Variants in PLEKHG4B observed in about 807,000 individuals in gnomAD.
PLEKHG4B encodes pleckstrin homology and RhoGEF domain containing G4B, also known as pleckstrin homology domain-containing family G member 4B.
Under a neutral mutation model 121.3 loss-of-function variants are expected in PLEKHG4B, and 111 were observed. The ratio of observed to expected loss-of-function variants is 0.92; its 90% CI spans 0.78 to 1.07. The LOEUF (loss-of-function observed/expected upper bound fraction) is 1.07, where lower values mean the gene tolerates loss of function less well. PLEKHG4B is among the 50% of genes least tolerant of loss of function. PLEKHG4B has a pLI of 0.00. For synonymous variants in PLEKHG4B, 738 were observed against 725.0 expected (o/e 1.02, Z -0.29); for missense variants, 1,831 against 1,757.8 (o/e 1.04, Z -0.74).
rs547243153 is a variant in PLEKHG4B, at chr5:143,580, G to T, written c.1811+77G>T. The T allele has an allele frequency of 1.3e-5, 20 of 1,558,718 alleles. No individual in the cohort carries two copies. The African/African-American group carries it at 2.7e-4, about 21-fold the overall frequency. On this transcript the variant is annotated intron_variant, in intron 5 of 19. Coordinates refer to ENST00000637938, the MANE Select transcript of PLEKHG4B (RefSeq NM_052909.5). Reference sequence around the variant, plus strand: ...ATGTGTGTGGCAAAGTGGGGGGCACGGGGAGGTGCCAGCTTCCATGGCCAG... The same window carrying T: ...ATGTGTGTGGCAAAGTGGGGGGCACTGGGAGGTGCCAGCTTCCATGGCCAG...
chr5:183,611 C>T lies in PLEKHG4B; in HGVS notation c.*1288C>T, dbSNP rs1249939792. The T allele has an allele frequency of 1.3e-5, 2 of 152,276 alleles. No individual in the cohort carries two copies. Among genetic ancestry groups the T allele is most frequent in the Admixed American group, 6.5e-5 (1 of 15,274 alleles). The allele number at this position is 152,276 out of a possible 1,614,324, so 9.4% of individuals were successfully genotyped here. On this transcript the variant is annotated 3_prime_UTR_variant, in exon 20 of 20. Transcript: ENST00000637938. ...AATTAGCCGGGCATGGTGTTGGCCG[C>T]CTGTAGTCCCAGCTACTTGGGAGGC... is the stretch of plus-strand genomic sequence containing the variant.
Position 105,512 on chromosome 5 carries a change from A to G in PLEKHG4B, c.46-7739A>G, listed in dbSNP as rs143308828. Among the ~76,000 whole-genome samples the G allele has an allele frequency of 4.3e-4, 66 of 152,340 alleles. No individual in the cohort carries two copies. In the East Asian group the frequency reaches 0.012, roughly 27 times the overall value. ...TCAATGGTATCATCCAGAATTAGTT[A>G]TTTCTCTTTGGAAACATGCATGGCA... On this transcript the variant is annotated intron_variant, in intron 1 of 19. Coordinates refer to ENST00000637938, the MANE Select transcript of PLEKHG4B (RefSeq NM_052909.5).
chr5:107,621 A>T (rs966925163), intron 1 of PLEKHG4B, among the ~76,000 whole-genome samples: 1 of 152,140 alleles, frequency 6.6e-6, no homozygotes, highest in Non-Finnish European at 1.5e-5. Context: ...CTGGTATCCC[A>T]CCTGCCCATC....
chr5:111,159 C>G (rs142303341), intron 1 of PLEKHG4B, among the ~76,000 whole-genome samples: 2,220 of 152,398 alleles, frequency 0.015, 26 homozygotes, highest in Non-Finnish European at 0.024. Context: ...CAGGAGACAG[C>G]ACACACTCCG....
rs1008190614 is a variant in PLEKHG4B at position 185,928 on chromosome 5, A to T, written c.*3605A>T. On this transcript the variant is annotated 3_prime_UTR_variant, in exon 20 of 20. Transcript: ENST00000637938. ...GCCACACCAGCCCCACGGGAGCCCC[A>T]CGACCCATCGGGCTGTGGGATGCAT... 2.6e-5 allele frequency: 4 copies of T among 152,202 alleles called. No individual in the cohort carries two copies. Among genetic ancestry groups the T allele is most frequent in the African/African-American group, 9.7e-5 (4 of 41,436 alleles). The allele number at this position is 152,202 out of a possible 1,614,324, so 9.4% of individuals were successfully genotyped here.
intron 2 of PLEKHG4B, among the ~76,000 whole-genome samples, chr5:133,176 A>G (rs1480661956): frequency 6.6e-6 from 1 of 152,154 alleles, no homozygotes; most frequent in Admixed American, 6.5e-5. Flanking sequence ...TGAGTTCTTA[A>G]TTCAATTCTC....
Position 182,427 on chromosome 5 carries a change from G to A in PLEKHG4B, c.*104G>A. On this transcript the variant is annotated 3_prime_UTR_variant, in exon 20 of 20. Coordinates refer to ENST00000637938, the MANE Select transcript of PLEKHG4B (RefSeq NM_052909.5). ...GGGTGGCGGTGCCCATCGCGTGGCTGGAACGATCCAGAGGGAATAGCACAG... is the reference window on the plus strand; with the variant it reads ...GGGTGGCGGTGCCCATCGCGTGGCTAGAACGATCCAGAGGGAATAGCACAG... The A allele has an allele frequency of 3.3e-6, 4 of 1,203,534 alleles. No individual in the cohort carries two copies. In the East Asian group the frequency reaches 1.0e-4, roughly 31 times the overall value. 74.6% of individuals were successfully genotyped at this position (1,203,534 alleles called of 1,614,324 possible).
chr5:99,710 G>A (rs191992939), intron 1 of PLEKHG4B, among the ~76,000 whole-genome samples: 56 of 152,142 alleles, frequency 3.7e-4, no homozygotes, highest in African/African-American at 1.2e-3. Flanking sequence ...CAATTTGGAT[G>A]CCTTTTATTT....
intron 2 of PLEKHG4B, among the ~76,000 whole-genome samples, chr5:135,187 C>CA (rs35601775): frequency 0.032 from 1,550 of 48,158 alleles, 100 homozygotes; most frequent in African/African-American, 0.062. Context: ...GACTCCAGCT[C>CA]AAAAAAAAAA....
chr5:139,926 C>T lies in PLEKHG4B; in HGVS notation c.687C>T (p.Val229=), dbSNP rs1579276850. The T allele has an allele frequency of 7.4e-6, 3 of 407,098 alleles. No homozygotes were observed. The highest frequency in any genetic ancestry group is 7.1e-5 in the East Asian group (2 of 28,112). 25.2% of individuals were successfully genotyped at this position (407,098 alleles called of 1,614,324 possible). A position where few individuals can be genotyped will look rare whatever the true frequency, so the allele number is the denominator to read the frequency against. The change falls in exon 3 of 20, where the codon GTC becomes GTT. Residue 229 remains valine, a synonymous_variant. Coordinates refer to ENST00000637938, the MANE Select transcript of PLEKHG4B (RefSeq NM_052909.5). The surrounding 1 kb of genome is among the most constrained non-coding windows in gnomAD (Gnocchi z 5.0). ...RLPSSPSEAP[V]PTQATAGPHF... is the part of the protein sequence containing the mutation. ...CCAGCAGCCCCTCAGAGGCCCCAGT[C>T]CCCACCCAAGCCACAGCAGGCCCCC...
intron 2 of PLEKHG4B, among the ~76,000 whole-genome samples, chr5:127,340 T>A (rs187791250): frequency 3.0e-5 from 4 of 135,562 alleles, no homozygotes; most frequent in South Asian, 2.5e-4. Context: ...ATTGTTGGTT[T>A]TTATTATTAT....
Position 182,464 on chromosome 5 carries a change from G to T in PLEKHG4B, c.*141G>T. On this transcript the variant is annotated 3_prime_UTR_variant, in exon 20 of 20. Coordinates refer to ENST00000637938, the MANE Select transcript of PLEKHG4B (RefSeq NM_052909.5). ...AGGGAATAGCACAGCAGGTGTCCAGGTATTTCCCAGGATTTTAGACATTCC... is the reference window on the plus strand; with the variant it reads ...AGGGAATAGCACAGCAGGTGTCCAGTTATTTCCCAGGATTTTAGACATTCC... 2 of 780,608 alleles carry T rather than the reference G, an allele frequency of 2.6e-6. No individual in the cohort carries two copies. The highest frequency in any genetic ancestry group is 4.0e-6 in the Non-Finnish European group (2 of 506,108). 48.4% of individuals were successfully genotyped at this position (780,608 alleles called of 1,614,324 possible).
At chr5:181,278 A>C (rs1000977879) in intron 18 of PLEKHG4B, among the ~76,000 whole-genome samples, 1 of 152,090 alleles carries the variant, frequency 6.6e-6, no homozygotes, top group Non-Finnish European at 1.5e-5. Context: ...CCAAGGCCTC[A>C]TGGCTTCCTT....
At chr5:154,522 T>C (rs1002029484) in intron 7 of PLEKHG4B, among the ~76,000 whole-genome samples, 3 of 151,946 alleles carry the variant, frequency 2.0e-5, no homozygotes, top group Non-Finnish European at 4.4e-5. Context: ...ACTCTCCTTA[T>C]ATTTTGTCCA....
At chr5:114,895 A>G (rs1012894129) in intron 2 of PLEKHG4B, among the ~76,000 whole-genome samples, 1 of 152,174 alleles carries the variant, frequency 6.6e-6, no homozygotes, top group Non-Finnish European at 1.5e-5. Flanking sequence ...GGGAGGCTTG[A>G]ACCCCTCAGT....
In PLEKHG4B at chr5:156,628, C is replaced by A; in HGVS notation, c.2349-145C>A. The A allele has an allele frequency of 8.8e-7, 1 of 1,141,836 alleles. No individual in the cohort carries two copies. Among genetic ancestry groups the A allele is most frequent in the Non-Finnish European group, 1.2e-6 (1 of 819,650 alleles). 70.7% of individuals were successfully genotyped at this position (1,141,836 alleles called of 1,614,324 possible). On this transcript the variant is annotated intron_variant, in intron 10 of 19. Transcript: ENST00000637938. This position sits in a 1 kb window ranked among gnomAD's most constrained non-coding sequence, Gnocchi z 4.4. The stretch of plus-strand genomic sequence containing the variant: ...CGCATGGAGCACATCTGTGCCCCGC[C>A]TCGGTTGTGGGCCTCCTCCTGGGGC...
intron 11 of PLEKHG4B, among the ~76,000 whole-genome samples, chr5:161,342 T>C (rs1375883349): frequency 1.3e-5 from 2 of 152,244 alleles, no homozygotes; most frequent in African/African-American, 4.8e-5. Context: ...CCTGGATCTA[T>C]TGTTCAATGA....
chr5:158,579 T>C (rs1284243830), intron 11 of PLEKHG4B, among the ~76,000 whole-genome samples: 1 of 112,520 alleles, frequency 8.9e-6, no homozygotes, highest in African/African-American at 3.5e-5. Flanking sequence ...GTCCTGGGAG[T>C]CTCCTTCATC....
Position 109,417 on chromosome 5 carries a change from AAAAAT to A in PLEKHG4B, c.46-3833_46-3829del, listed in dbSNP as rs1428192704. Among the ~76,000 whole-genome samples, 12 of 151,426 alleles carry A rather than the reference AAAAAT, an allele frequency of 7.9e-5. No homozygotes were observed. The East Asian group carries it at 2.3e-3, about 29-fold the overall frequency. ...GTCTCCAAAAAAAAAAAAAAAAAAAAAAAATCCAGCCAGAGGCAAAGGCCACAGCA... is the reference window on the plus strand; with the variant it reads ...GTCTCCAAAAAAAAAAAAAAAAAAAACCAGCCAGAGGCAAAGGCCACAGCA... On this transcript the variant is annotated intron_variant, in intron 1 of 19. Transcript: ENST00000637938.
Sources: allele counts gnomAD v4.1 joint callset (sites outside exome capture counted in the v4.1 genomes callset), GRCh38; gene constraint gnomAD v4.1.1; non-coding constraint Gnocchi (gnomAD v3.1); transcripts MANE v1.5; gene names NCBI Gene and HGNC (gene_info 2026-07-23, HGNC 2026-07-21).